The following MPDZ variants were observed in gnomAD, a reference collection of about 807,000 sequenced individuals.
MPDZ encodes the protein multiple PDZ domain protein.
MPDZ carries 234 observed loss-of-function variants against 239.1 expected under a neutral mutation model. That is an observed-to-expected ratio of 0.98 (90% CI 0.88 to 1.09). The LOEUF (loss-of-function observed/expected upper bound fraction) is 1.09. Among genes scored for constraint, MPDZ ranks in the 50% least tolerant of loss-of-function variants. MPDZ has a pLI of 0.00. For missense variants in MPDZ, 3,175 were observed against 2,510.0 expected (o/e 1.26, Z -5.66); for synonymous variants, 1,048 against 881.3 (o/e 1.19, Z -3.35).
intron 32 of MPDZ, among the ~76,000 whole-genome samples, chr9:13,129,284 G>A (rs996937236): frequency 1.6e-4 from 24 of 152,016 alleles, no homozygotes; most frequent in Admixed American, 7.2e-4. Context: ...CCAACATGGC[G>A]AAACCCCATC....
At chr9:13,223,138 G>A (rs1451704989) in intron 5 of MPDZ, among the ~76,000 whole-genome samples, 1 of 151,972 alleles carries the variant, frequency 6.6e-6, no homozygotes, top group South Asian at 2.1e-4. Context: ...AGGGACTTGA[G>A]CACCTGCAGA....
In MPDZ at chr9:13,115,348, T is replaced by TG. The variant is rs569205256; in HGVS notation, c.5380-15dup. The TG allele has an allele frequency of 3.8e-3, 6,028 of 1,595,328 alleles. 23 individuals carry two copies. Among genetic ancestry groups the TG allele is most frequent in the Non-Finnish European group, 4.4e-3 (5,135 of 1,164,214 alleles). ...GCCTAGGGAACACTGGGGGTGGGCA[T>TG]GGGGGGTGTTTTATGGAAATGTTTA... On this transcript the variant is annotated splice_polypyrimidine_tract_variant and intron_variant, in intron 39 of 46. Transcript: ENST00000319217.
chr9:13,177,131 A>T (rs1952603984), intron 19 of MPDZ, among the ~76,000 whole-genome samples: 1 of 152,156 alleles, frequency 6.6e-6, no homozygotes, highest in Non-Finnish European at 1.5e-5. Context: ...AGTTCTATAT[A>T]AATATGTATA....
At chr9:13,207,657 C>G (rs765084762) in intron 10 of MPDZ, among the ~76,000 whole-genome samples, 5 of 152,202 alleles carry the variant, frequency 3.3e-5, no homozygotes, top group Non-Finnish European at 7.3e-5. Context: ...TTTACCCATT[C>G]TTCCTCATAG....
At position 13,221,626 on chromosome 9, in the gene MPDZ, C is replaced by G. The variant is rs943772175; in HGVS notation, c.748-126G>C. 43 of 943,882 alleles carry G rather than the reference C, an allele frequency of 4.6e-5. No homozygotes were observed. In the Admixed American group the frequency reaches 1.3e-3, roughly 28 times the overall value. The allele number at this position is 943,882 out of a possible 1,614,324, so 58.5% of individuals were successfully genotyped here. A position where few individuals can be genotyped will look rare whatever the true frequency, so the allele number is the denominator to read the frequency against. On this transcript the variant is annotated intron_variant, in intron 6 of 46. Coordinates refer to ENST00000319217, the MANE Select transcript of MPDZ (RefSeq NM_001378778.1). ...ATTAAATTCAGACATAATAATGAGTCCTAACAATGTCCCTTTCATTTGGTA... is the reference window on the plus strand; with the variant it reads ...ATTAAATTCAGACATAATAATGAGTGCTAACAATGTCCCTTTCATTTGGTA...
intron 12 of MPDZ, among the ~76,000 whole-genome samples, chr9:13,203,554 G>C (rs1956631316): frequency 6.6e-6 from 1 of 152,104 alleles, no homozygotes; most frequent in Admixed American, 6.6e-5. Context: ...GACTTGTCCA[G>C]GCTTGCACGA....
intron 27 of MPDZ, 125 bp downstream of exon 27, chr9:13,143,341 T>C: frequency 1.4e-6 from 1 of 713,896 alleles, no homozygotes. Context: ...AACAGCTTTG[T>C]TTTTTTGTTT....
intron 27 of MPDZ, among the ~76,000 whole-genome samples, chr9:13,141,118 T>G (rs1373485765): frequency 6.6e-6 from 1 of 151,926 alleles, no homozygotes; most frequent in Non-Finnish European, 1.5e-5. Context: ...AAAAAAGTAC[T>G]TGGCATCATC....
At chr9:13,135,997 A>ATATCCCTCTCTAAGTGT in intron 31 of MPDZ, 95 bp downstream of exon 31, 1 of 816,584 alleles carries the variant, frequency 1.2e-6, no homozygotes, top group Non-Finnish European at 2.0e-6. Context: ...TCTACCTCTA[A>ATATCCCTCTCTAAGTGT]TATCCCTCTC....
chr9:13,173,175 A>T (rs1952009059), intron 21 of MPDZ, among the ~76,000 whole-genome samples: 1 of 152,202 alleles, frequency 6.6e-6, no homozygotes. Context: ...GAACCCAAAA[A>T]ACGTTCTGGA....
chr9:13,119,467 C>T (rs1282778754), intron 39 of MPDZ, 35 bp downstream of exon 39: 20 of 1,576,784 alleles, frequency 1.3e-5, no homozygotes, highest in East Asian at 9.0e-5. Flanking sequence ...TTTTCTTCTA[C>T]GCTATTACAC....
rs1957031395 is a variant in MPDZ, at chr9:13,206,628, C to G, written c.1291-529G>C. On this transcript the variant is annotated intron_variant, in intron 10 of 46. Coordinates refer to ENST00000319217, the MANE Select transcript of MPDZ (RefSeq NM_001378778.1). The stretch of plus-strand genomic sequence containing the variant: ...GTGCGATCTCGGCTCATTGCAACCT[C>G]CACCTCCCAGGTGCAAGTGATTCTT... Among the ~76,000 whole-genome samples, 7 of 152,004 alleles carry G rather than the reference C, an allele frequency of 4.6e-5. No individual in the cohort carries two copies. The South Asian group carries it at 1.5e-3, about 32-fold the overall frequency.
At position 13,215,753 on chromosome 9, in the gene MPDZ, G is replaced by GGT. The variant is rs372869059; in HGVS notation, c.1290+1020_1290+1021insAC. Reference sequence around the variant, plus strand: ...AGATAAACAGGTTTCTCTATTGCAGGTTTTTTTTTTTTTTTTTTTTTGTCT... The same window carrying GGT: ...AGATAAACAGGTTTCTCTATTGCAGGGTTTTTTTTTTTTTTTTTTTTTTGTCT... On this transcript the variant is annotated intron_variant, in intron 10 of 46. Coordinates refer to ENST00000319217, the MANE Select transcript of MPDZ (RefSeq NM_001378778.1). 9.0e-5 allele frequency among the ~76,000 whole-genome samples: 8 copies of GGT among 89,048 alleles called. No homozygotes were observed. The East Asian group carries it at 2.0e-3, about 22-fold the overall frequency. 58.4% of individuals were successfully genotyped at this position (89,048 alleles called of 152,430 possible).
intron 22 of MPDZ, chr9:13,165,656 TG>T: frequency 2.4e-6 from 1 of 423,708 alleles, no homozygotes; most frequent in Admixed American, 4.3e-5. Context: ...TTTTATTCCT[TG>T]ATCAGGAATT....
At position 13,172,439 on chromosome 9, in the gene MPDZ, G is replaced by A. The variant is rs571951362; in HGVS notation, c.3055+3313C>T. 2.0e-5 allele frequency among the ~76,000 whole-genome samples: 3 copies of A among 149,328 alleles called. No individual in the cohort carries two copies. The South Asian group carries it at 6.3e-4, about 31-fold the overall frequency. On this transcript the variant is annotated intron_variant, in intron 21 of 46. Coordinates refer to ENST00000319217, the MANE Select transcript of MPDZ (RefSeq NM_001378778.1). ...CTCTTGTCACCTAGGCTGGAGTGTA[G>A]TGGCACGATCTCGGCTCACTGCAAC...
At chr9:13,247,316 A>G (rs1387099539) in intron 3 of MPDZ, among the ~76,000 whole-genome samples, 1 of 152,224 alleles carries the variant, frequency 6.6e-6, no homozygotes, top group Non-Finnish European at 1.5e-5. Flanking sequence ...AATGAGCCTC[A>G]GTGATGATGG....
At chr9:13,188,682 A>G (rs1954482904) in intron 17 of MPDZ, 102 bp downstream of exon 17, 1 of 947,976 alleles carries the variant, frequency 1.1e-6, no homozygotes, top group Admixed American at 2.3e-5. Context: ...GAAAACTACT[A>G]AAAGTCACGA....
At chr9:13,175,995 C>T (rs1952432855) in intron 20 of MPDZ, 120 bp from the exon 21 acceptor site, 1 of 1,423,876 alleles carries the variant, frequency 7.0e-7, no homozygotes, top group East Asian at 2.5e-5. Context: ...GAACCTGCAA[C>T]CAAAACAAGT....
intron 19 of MPDZ, among the ~76,000 whole-genome samples, chr9:13,177,390 A>G (rs1331675): frequency 0.54 from 81,684 of 152,008 alleles, 26,345 homozygotes; most frequent in Non-Finnish European, 0.71. Context: ...TCCCCAGTAA[A>G]AATGGCTAGC....
Sources: allele counts gnomAD v4.1 joint callset (sites outside exome capture counted in the v4.1 genomes callset), GRCh38; gene constraint gnomAD v4.1.1; transcripts MANE v1.5; gene names NCBI Gene and HGNC (gene_info 2026-07-23, HGNC 2026-07-21).